KCNQ3: variants seen among roughly 807,000 people sequenced by gnomAD.
The protein encoded by KCNQ3 is potassium voltage-gated channel subfamily KQT member 3.
In KCNQ3, 30 loss-of-function variants were observed where a neutral mutation model predicts 92.5. The ratio of observed to expected loss-of-function variants is 0.32; its 90% CI spans 0.24 to 0.44. KCNQ3 has a LOEUF of 0.44. KCNQ3 is among the 20% of genes least tolerant of loss of function. The pLI, the probability that KCNQ3 is intolerant of heterozygous loss-of-function variation, is 1.00. For synonymous variants in KCNQ3, 450 were observed against 468.8 expected, an observed-to-expected ratio of 0.96 and a Z score of 0.52; for missense variants, 913 against 1,140.3, an observed-to-expected ratio of 0.80 and a Z score of 2.87.
chr8:132,467,690 G>C (rs939222247), intron 1 of KCNQ3, among the ~76,000 whole-genome samples: 1 of 152,190 alleles, frequency 6.6e-6, no homozygotes, highest in African/African-American at 2.4e-5. Flanking sequence ...ATGTGGCCCT[G>C]AGTGGTAACT....
intron 1 of KCNQ3, among the ~76,000 whole-genome samples, chr8:132,471,173 G>T (rs1165979717): frequency 1.3e-5 from 2 of 151,986 alleles, no homozygotes; most frequent in Admixed American, 1.3e-4. Context: ...CAGAAATGCA[G>T]CTAGCTATCA....
intron 1 of KCNQ3, among the ~76,000 whole-genome samples, chr8:132,253,752 GTACTAATAGCA>G (rs1815490364): frequency 6.6e-6 from 1 of 152,142 alleles, no homozygotes; most frequent in Non-Finnish European, 1.5e-5. Context: ...GTCTTCACCG[GTACTAATAGCA>G]CACAGCACTC....
chr8:132,398,127 A>G lies in KCNQ3; in HGVS notation c.386+82020T>C, dbSNP rs957177933. Among the ~76,000 whole-genome samples the G allele has an allele frequency of 3.3e-5, 5 of 152,186 alleles. No homozygotes were observed. The East Asian group carries it at 9.6e-4, about 29-fold the overall frequency. On this transcript the variant is annotated intron_variant, in intron 1 of 14. Coordinates refer to ENST00000388996, the MANE Select transcript of KCNQ3 (RefSeq NM_004519.4). ...CCACAGCAATTTTTTTAAATCATCA[A>G]GTTTTTAGAGAAACCTTTTGGTTTT... is the stretch of plus-strand genomic sequence containing the variant.
At chr8:132,170,497 C>T (rs1826295695) in intron 7 of KCNQ3, 69 bp from the exon 8 acceptor site, 1 of 949,704 alleles carries the variant, frequency 1.1e-6, no homozygotes, top group African/African-American at 1.6e-5. Flanking sequence ...ACTCCCACAC[C>T]AACAAAACAA....
intron 1 of KCNQ3, among the ~76,000 whole-genome samples, chr8:132,256,798 T>A (rs926253668): frequency 1.3e-5 from 2 of 152,122 alleles, no homozygotes; most frequent in African/African-American, 4.8e-5. Flanking sequence ...TTTCCAGATT[T>A]AAAAACAAAA....
chr8:132,141,406 ACT>A, intron 9 of KCNQ3, 75 bp from the exon 10 acceptor site: 1 of 1,270,844 alleles, frequency 7.9e-7, no homozygotes, highest in Non-Finnish European at 1.1e-6. Context: ...CTCCATAAAG[ACT>A]CACACATTCT....
At chr8:132,173,083 T>C (rs1826435807) in intron 6 of KCNQ3, among the ~76,000 whole-genome samples, 1 of 152,220 alleles carries the variant, frequency 6.6e-6, no homozygotes, top group South Asian at 2.1e-4. Context: ...CTGCACAAAA[T>C]AGATGCCCAG....
intron 1 of KCNQ3, among the ~76,000 whole-genome samples, chr8:132,246,827 T>C (rs894995772): frequency 2.6e-5 from 4 of 152,200 alleles, no homozygotes; most frequent in African/African-American, 9.7e-5. Flanking sequence ...GTATATTGTA[T>C]GGACTATCAG....
At chr8:132,395,473 A>G (rs771350401) in intron 1 of KCNQ3, among the ~76,000 whole-genome samples, 6 of 152,158 alleles carry the variant, frequency 3.9e-5, no homozygotes, top group Non-Finnish European at 8.8e-5. Context: ...AATGCAGTTC[A>G]AGTGAAAGTG....
At chr8:132,257,679 G>A (rs556486768) in intron 1 of KCNQ3, among the ~76,000 whole-genome samples, 2 of 150,164 alleles carry the variant, frequency 1.3e-5, no homozygotes, top group Non-Finnish European at 3.0e-5. Flanking sequence ...CCCAGGAGGT[G>A]GAGGTTGCAG....
At chr8:132,174,434 T>C in intron 5 of KCNQ3, 85 bp from the exon 6 acceptor site, 1 of 1,033,478 alleles carries the variant, frequency 9.7e-7, no homozygotes, top group Admixed American at 2.0e-5. Context: ...TGTAAGCCTC[T>C]CCATCAGCTT....
chr8:132,271,740 C>G (rs1457315201), intron 1 of KCNQ3, among the ~76,000 whole-genome samples: 1 of 152,188 alleles, frequency 6.6e-6, no homozygotes, highest in Admixed American at 6.5e-5. Flanking sequence ...TAGCTCTCCA[C>G]CCCCGGGAAG....
chr8:132,408,851 A>G (rs1820571519), intron 1 of KCNQ3, among the ~76,000 whole-genome samples: 1 of 152,162 alleles, frequency 6.6e-6, no homozygotes, highest in Admixed American at 6.5e-5. Flanking sequence ...CGGTCCTACA[A>G]CTGCAAGGAA....
Position 132,429,658 on chromosome 8 carries a change from C to T in KCNQ3, c.386+50489G>A, listed in dbSNP as rs542952707. 3.3e-5 allele frequency among the ~76,000 whole-genome samples: 5 copies of T among 152,100 alleles called. No individual in the cohort carries two copies. The South Asian group carries it at 6.2e-4, about 19-fold the overall frequency. ...GGTGGATCACCTGAGGTCAGGAGTTCGAGACCAGCCTGCCCAACATGGTGA... is the reference window on the plus strand; with the variant it reads ...GGTGGATCACCTGAGGTCAGGAGTTTGAGACCAGCCTGCCCAACATGGTGA... On this transcript the variant is annotated intron_variant, in intron 1 of 14. Coordinates refer to ENST00000388996, the MANE Select transcript of KCNQ3 (RefSeq NM_004519.4).
At chr8:132,450,594 T>A (rs1344800243) in intron 1 of KCNQ3, among the ~76,000 whole-genome samples, 1 of 152,172 alleles carries the variant, frequency 6.6e-6, no homozygotes, top group African/African-American at 2.4e-5. Context: ...ACAGGTTCCA[T>A]AGCAGGATGT....
intron 1 of KCNQ3, among the ~76,000 whole-genome samples, chr8:132,322,835 G>T (rs1000419560): frequency 5.3e-5 from 8 of 152,134 alleles, no homozygotes; most frequent in Non-Finnish European, 1.2e-4. Context: ...AGTCATGAAG[G>T]CCTTTGAACA....
intron 9 of KCNQ3, among the ~76,000 whole-genome samples, chr8:132,146,219 A>T (rs544794514): frequency 6.6e-6 from 1 of 152,286 alleles, no homozygotes; most frequent in Non-Finnish European, 1.5e-5. Flanking sequence ...AACAGCCAAA[A>T]GGTGGAAGCA....
At chr8:132,305,855 A>G (rs759841549) in intron 1 of KCNQ3, among the ~76,000 whole-genome samples, 1 of 151,172 alleles carries the variant, frequency 6.6e-6, no homozygotes, top group East Asian at 2.0e-4. Context: ...TCCCCTCATT[A>G]AAGAGTTTTT....
At chr8:132,428,431 A>G (rs2080160901) in intron 1 of KCNQ3, among the ~76,000 whole-genome samples, 1 of 152,212 alleles carries the variant, frequency 6.6e-6, no homozygotes, top group Non-Finnish European at 1.5e-5. Flanking sequence ...ATTAACAAAA[A>G]CAATTTAAAA....
Sources: allele counts gnomAD v4.1 joint callset (sites outside exome capture counted in the v4.1 genomes callset), GRCh38; gene constraint gnomAD v4.1.1; transcripts MANE v1.5; gene names NCBI Gene and HGNC (gene_info 2026-07-23, HGNC 2026-07-21).